Variants in ELAVL4 observed in about 807,000 individuals in gnomAD.
The protein encoded by ELAVL4 is ELAV-like protein 4.
ELAVL4 carries 1 observed loss-of-function variant against 35.6 expected under a neutral mutation model. That is an observed-to-expected ratio of 0.03 (90% CI 0.01 to 0.13). The LOEUF (loss-of-function observed/expected upper bound fraction) is 0.13, where lower values mean the gene tolerates loss of function less well. ELAVL4 is among the 10% of genes least tolerant of loss of function. ELAVL4 has a pLI of 1.00. For synonymous variants in ELAVL4, 156 were observed against 171.0 expected (o/e 0.91, Z 0.69); for missense variants, 267 against 464.9 (o/e 0.57, Z 3.91).
At chr1:50,123,484 C>CT (rs1029688784) in intron 1 of ELAVL4, among the ~76,000 whole-genome samples, 1 of 139,268 alleles carries the variant, frequency 7.2e-6, no homozygotes, top group African/African-American at 2.8e-5. Flanking sequence ...GGCAGTAAGC[C>CT]TAAAAATAAT....
At chr1:50,165,937 C>G (rs1361715584) in intron 2 of ELAVL4, among the ~76,000 whole-genome samples, 1 of 151,866 alleles carries the variant, frequency 6.6e-6, no homozygotes, top group Admixed American at 6.6e-5. Context: ...AGTTCGAGTT[C>G]CCAAACAGAA....
intron 1 of ELAVL4, among the ~76,000 whole-genome samples, chr1:50,055,906 G>A (rs1465411816): frequency 1.3e-5 from 2 of 152,130 alleles, no homozygotes; most frequent in Non-Finnish European, 2.9e-5. Flanking sequence ...GTCATCAACT[G>A]CAGACTGCCT....
intron 1 of ELAVL4, among the ~76,000 whole-genome samples, chr1:50,086,932 C>T (rs1485543934): frequency 6.6e-6 from 1 of 152,144 alleles, no homozygotes; most frequent in Non-Finnish European, 1.5e-5. Context: ...CCCCTCAAGT[C>T]ACTCCTTGGC....
Position 50,193,877 on chromosome 1 carries a change from G to T in ELAVL4, c.467G>T (p.Gly156Val). ...KELEQLFSQYGRIITSRILVD... is the reference protein window; with the variant it reads ...KELEQLFSQYVRIITSRILVD... Reference sequence around the variant, plus strand: ...CTGGAGCAACTTTTCTCGCAATACGGCCGTATCATCACCTCACGAATCCTG... The same window carrying T: ...CTGGAGCAACTTTTCTCGCAATACGTCCGTATCATCACCTCACGAATCCTG... Residue 156 changes from glycine (G) to valine (V), a missense_variant, in exon 4 of 7, where the codon GGC (glycine) becomes GTC (valine). Gly to Val is a moderately radical substitution (Grantham distance 109). This residue lies in a region of ELAVL4 where 216 missense variants were observed against 409.5 expected (regional missense o/e 0.53). Coordinates refer to ENST00000371824, the MANE Select transcript of ELAVL4 (RefSeq NM_001144774.3). The T allele has an allele frequency of 6.2e-7, 1 of 1,614,080 alleles. No individual in the cohort carries two copies. The highest frequency in any genetic ancestry group is 2.2e-5 in the East Asian group (1 of 44,878).
At chr1:50,184,468 T>C (rs765129876) in intron 3 of ELAVL4, among the ~76,000 whole-genome samples, 22 of 151,196 alleles carry the variant, frequency 1.5e-4, no homozygotes, top group Admixed American at 6.6e-4. Flanking sequence ...TCACAGAAAA[T>C]AGTGGTCCTT....
chr1:50,110,257 A>G (rs1392386696), intron 1 of ELAVL4, among the ~76,000 whole-genome samples: 1 of 152,130 alleles, frequency 6.6e-6, no homozygotes, highest in Non-Finnish European at 1.5e-5. Context: ...AATCAATGTC[A>G]CCGTCACTGT....
intron 1 of ELAVL4, among the ~76,000 whole-genome samples, chr1:50,116,395 G>T (rs1054940994): frequency 6.7e-6 from 1 of 149,456 alleles, no homozygotes; most frequent in Non-Finnish European, 1.5e-5. Flanking sequence ...TAAATACTGT[G>T]GTGTGTGTGT....
At chr1:50,057,523 G>T (rs148704321) in intron 1 of ELAVL4, among the ~76,000 whole-genome samples, 26 of 152,214 alleles carry the variant, frequency 1.7e-4, no homozygotes, top group African/African-American at 5.3e-4. Flanking sequence ...CTCCATTTAT[G>T]GCAACTGCCT....
chr1:50,072,502 G>T (rs1293466333), intron 1 of ELAVL4, among the ~76,000 whole-genome samples: 3 of 152,156 alleles, frequency 2.0e-5, no homozygotes, highest in African/African-American at 7.2e-5. Context: ...CAGAGTGGCA[G>T]CCCCTCACTG....
intron 1 of ELAVL4, among the ~76,000 whole-genome samples, chr1:50,134,045 G>A (rs928618188): frequency 2.0e-5 from 3 of 152,110 alleles, no homozygotes. Flanking sequence ...CCCTGGTTAT[G>A]TTAAGAAAAC....
At chr1:50,182,221 C>CA (rs1197076334) in intron 3 of ELAVL4, among the ~76,000 whole-genome samples, 1 of 152,180 alleles carries the variant, frequency 6.6e-6, no homozygotes, top group South Asian at 2.1e-4. Context: ...TAATCAGGAA[C>CA]AAAGAAAATT....
chr1:50,052,624 C>A (rs566731312), intron 1 of ELAVL4, among the ~76,000 whole-genome samples: 2 of 152,194 alleles, frequency 1.3e-5, no homozygotes, highest in Non-Finnish European at 2.9e-5. Flanking sequence ...TTATACTAAT[C>A]CCTTGATGCA....
chr1:50,158,522 G>C (rs552449101), intron 2 of ELAVL4, among the ~76,000 whole-genome samples: 149 of 152,054 alleles, frequency 9.8e-4, no homozygotes, highest in African/African-American at 3.5e-3. Context: ...TTGGGTCTTT[G>C]GTTCTCCTAG....
At chr1:50,177,066 C>A in intron 2 of ELAVL4, 23 bp from the exon 3 acceptor site, 3 of 1,587,824 alleles carry the variant, frequency 1.9e-6, no homozygotes, top group Non-Finnish European at 2.6e-6. Flanking sequence ...CCCTTTCTCT[C>A]TCTCTTTTTA....
chr1:50,142,055 T>A (rs1214187364), intron 1 of ELAVL4, among the ~76,000 whole-genome samples: 1 of 152,248 alleles, frequency 6.6e-6, no homozygotes, highest in Non-Finnish European at 1.5e-5. Flanking sequence ...ATTTTAGACA[T>A]TTAATGTACA....
chr1:50,193,319 T>A (rs1169138702), intron 3 of ELAVL4, among the ~76,000 whole-genome samples: 1 of 150,068 alleles, frequency 6.7e-6, no homozygotes, highest in Non-Finnish European at 1.5e-5. Flanking sequence ...GGGATGGGGG[T>A]AGGGAGGGTG....
chr1:50,051,325 G>A (rs1440107143), intron 1 of ELAVL4, among the ~76,000 whole-genome samples: 2 of 152,046 alleles, frequency 1.3e-5, no homozygotes, highest in African/African-American at 4.8e-5. Context: ...TCAGCCTATA[G>A]TAGTTTAGAA....
chr1:50,189,604 G>GT (rs201172413), intron 3 of ELAVL4, among the ~76,000 whole-genome samples: 101 of 152,156 alleles, frequency 6.6e-4, no homozygotes, highest in African/African-American at 2.0e-3. Flanking sequence ...TGTTCCACAT[G>GT]TTTTTTTTGT....
At chr1:50,142,560 C>T (rs920723684) in intron 1 of ELAVL4, among the ~76,000 whole-genome samples, 1 of 152,098 alleles carries the variant, frequency 6.6e-6, no homozygotes, top group Non-Finnish European at 1.5e-5. Flanking sequence ...TCCATTTTTA[C>T]TATACCACTC....
Sources: gnomAD v4.1 joint callset for allele counts (sites outside exome capture counted in the v4.1 genomes callset) on GRCh38, gnomAD v4.1.1 for gene constraint, gnomAD v4.1.1 regional missense constraint, MANE v1.5 for transcripts, NCBI Gene and HGNC (gene_info 2026-07-23, HGNC 2026-07-21) for gene names.